The following BTBD8 variants were observed in gnomAD, a reference collection of about 807,000 sequenced individuals.
The protein encoded by BTBD8 is BTB/POZ domain-containing protein 8.
In BTBD8, 110 loss-of-function variants were observed where a neutral mutation model predicts 162.9. The observed-to-expected ratio is 0.68, with a 90% CI of 0.58 to 0.79. The LOEUF (loss-of-function observed/expected upper bound fraction) is 0.79, where lower values mean the gene tolerates loss of function less well. Among genes scored for constraint, BTBD8 ranks in the 30% least tolerant of loss-of-function variants. The pLI is 0.00. For synonymous variants in BTBD8, 667 were observed against 716.1 expected, an observed-to-expected ratio of 0.93 and a Z score of 1.10; for missense variants, 1,905 against 2,085.4, an observed-to-expected ratio of 0.91 and a Z score of 1.68.
Position 92,184,122 on chromosome 1 carries a change from T to G in BTBD8, c.5171T>G (p.Leu1724Ter). The change falls in exon 18 of 18, where the codon TTA (leucine) becomes TGA (stop). Residue 1724 changes from leucine (L) to a stop codon, truncating the protein, a stop_gained. Transcript: ENST00000636805. LOFTEE classifies it high-confidence loss of function. ...VTNSVPEDLS[L>*]AQYLINQTLL... ...AATTCCGTTCCTGAAGACTTAAGTT[T>G]AGCACAGTATCTAATCAATCAGACA... 6.4e-7 allele frequency: 1 copy of G among 1,551,654 alleles called. No individual in the cohort carries two copies. The highest frequency in any genetic ancestry group is 8.7e-7 in the Non-Finnish European group (1 of 1,146,890).
intron 8 of BTBD8, 80 bp downstream of exon 8, chr1:92,147,348 A>T (rs1408166701): frequency 1.6e-6 from 2 of 1,247,786 alleles, no homozygotes; most frequent in African/African-American, 3.0e-5. Context: ...GGGGAACTTT[A>T]GAGTTGGCCT....
Position 92,100,600 on chromosome 1 carries a change from CATT to C in BTBD8, c.348-1851_348-1849del, listed in dbSNP as rs771639431. 1.8e-3 allele frequency among the ~76,000 whole-genome samples: 271 copies of C among 151,002 alleles called. 3 individuals are homozygous for C. The highest frequency in any genetic ancestry group is 5.9e-3 in the African/African-American group (242 of 41,208). ...TCATCTAGATTATCTACTTTTTTGG[CATT>C]ATTATTATTATTATTATTATTTTTG... On this transcript the variant is annotated intron_variant, in intron 2 of 17. Transcript: ENST00000636805.
In BTBD8 at chr1:92,177,028, G is replaced by A. The variant is rs1455790527; in HGVS notation, c.1835G>A (p.Gly612Asp). Residue 612 changes from glycine (G) to aspartate (D), a missense_variant, in exon 14 of 18, where the codon GGT becomes GAT. Coordinates refer to ENST00000636805, the MANE Select transcript of BTBD8 (RefSeq NM_001376131.1). ...CAAGATGATGTAAAGGAAAAAGATG[G>A]TACAAAAATAGCATCTAAGATTACA... ...LKQDDVKEKD[G>D]TKIASKITKE... is the part of the protein sequence containing the mutation. 1.3e-6 allele frequency: 2 copies of A among 1,548,824 alleles called. No individual in the cohort carries two copies. The highest frequency in any genetic ancestry group is 1.7e-6 in the Non-Finnish European group (2 of 1,145,742).
intron 9 of BTBD8, among the ~76,000 whole-genome samples, chr1:92,152,450 AAG>A (rs1440883675): frequency 1.1e-4 from 17 of 152,188 alleles, no homozygotes; most frequent in African/African-American, 3.9e-4. Flanking sequence ...CTGGAATAAT[AAG>A]AGAATTAATT....
chr1:92,144,466 A>G (rs1489576565), intron 7 of BTBD8, among the ~76,000 whole-genome samples: 2 of 148,156 alleles, frequency 1.3e-5, no homozygotes, highest in Non-Finnish European at 3.0e-5. Context: ...GACTTCATTT[A>G]TAGGATTTTG....
intron 9 of BTBD8, among the ~76,000 whole-genome samples, chr1:92,153,870 T>C (rs1650098915): frequency 6.6e-6 from 1 of 152,236 alleles, no homozygotes; most frequent in Non-Finnish European, 1.5e-5. Flanking sequence ...GAATGAATGC[T>C]GATGTGCTTT....
At chr1:92,102,090 C>G (rs1328339954) in intron 2 of BTBD8, among the ~76,000 whole-genome samples, 2 of 152,160 alleles carry the variant, frequency 1.3e-5, no homozygotes, top group Admixed American at 6.5e-5. Flanking sequence ...GGCACAATCT[C>G]AGCTCACTGC....
intron 2 of BTBD8, among the ~76,000 whole-genome samples, chr1:92,101,894 C>T (rs769104745): frequency 1.6e-4 from 25 of 152,094 alleles, no homozygotes; most frequent in Admixed American, 3.9e-4. Context: ...GACGAGGTCT[C>T]ACTATGTTGC....
intron 9 of BTBD8, among the ~76,000 whole-genome samples, chr1:92,165,436 C>A (rs1368237978): frequency 6.6e-6 from 1 of 151,364 alleles, no homozygotes; most frequent in African/African-American, 2.4e-5. Context: ...AACAGATTTT[C>A]TTATAGTGTG....
intron 2 of BTBD8, among the ~76,000 whole-genome samples, chr1:92,098,146 A>G (rs1385673127): frequency 1.3e-5 from 2 of 152,190 alleles, no homozygotes; most frequent in Non-Finnish European, 2.9e-5. Flanking sequence ...AACAGTTTAG[A>G]CATAGTGAGC....
intron 5 of BTBD8, among the ~76,000 whole-genome samples, chr1:92,131,022 T>A (rs1649503041): frequency 6.6e-6 from 1 of 152,178 alleles, no homozygotes; most frequent in Admixed American, 6.6e-5. Flanking sequence ...AGTTTTTAAA[T>A]ACTAATATAA....
intron 4 of BTBD8, 94 bp downstream of exon 4, chr1:92,108,095 G>A (rs1648782971): frequency 4.2e-6 from 5 of 1,203,556 alleles, no homozygotes; most frequent in Non-Finnish European, 6.1e-6. Context: ...TCAAACTCTG[G>A]TTTTCACACA....
At chr1:92,091,513 C>A (rs896469715) in intron 2 of BTBD8, among the ~76,000 whole-genome samples, 2 of 151,374 alleles carry the variant, frequency 1.3e-5, no homozygotes, top group African/African-American at 4.9e-5. Context: ...CAGGGTTTTG[C>A]TGTGTTTCGT....
rs145269459 is a variant in BTBD8, at chr1:92,117,536, T to C, written c.662+9535T>C. ...GTATTCAGTTCTGGCCGGAAGGAACTTGAATATCTGTCAGCCATATAGCTT... is the reference window on the plus strand; with the variant it reads ...GTATTCAGTTCTGGCCGGAAGGAACCTGAATATCTGTCAGCCATATAGCTT... On this transcript the variant is annotated intron_variant, in intron 4 of 17. Transcript: ENST00000636805. 1.4e-3 allele frequency among the ~76,000 whole-genome samples: 215 copies of C among 152,108 alleles called. 1 individual carries two copies. Among genetic ancestry groups the C allele is most frequent in the Non-Finnish European group, 2.4e-3 (166 of 68,036 alleles).
At position 92,127,717 on chromosome 1, in the gene BTBD8, C is replaced by T. The variant is rs548714765; in HGVS notation, c.663-1970C>T. On this transcript the variant is annotated intron_variant, in intron 4 of 17. Transcript: ENST00000636805. ...GCAGGGACTACAGGCACAGCCACCA[C>T]GCCCAGCTAATTTTTGTATTTTTAG... Among the ~76,000 whole-genome samples the T allele has an allele frequency of 3.9e-5, 6 of 152,110 alleles. No homozygotes were observed. In the East Asian group the frequency reaches 9.7e-4, roughly 25 times the overall value.
At chr1:92,080,857 AG>A in intron 1 of BTBD8, 137 bp downstream of exon 1, 1 of 1,366,598 alleles carries the variant, frequency 7.3e-7, no homozygotes, top group South Asian at 1.4e-5. Flanking sequence ...GCGGGTCGTT[AG>A]CCAGTCTCCC....
chr1:92,173,967 T>C (rs546249006), intron 13 of BTBD8, among the ~76,000 whole-genome samples: 2 of 152,200 alleles, frequency 1.3e-5, no homozygotes, highest in African/African-American at 4.8e-5. Context: ...GTGGTGGTTG[T>C]TGTTGCCTGC....
rs1375346611 is a variant in BTBD8, at chr1:92,171,409, C to T, written c.1584C>T (p.Asp528=). 8.5e-6 allele frequency: 13 copies of T among 1,538,062 alleles called. No individual in the cohort carries two copies. Among genetic ancestry groups the T allele is most frequent in the Middle Eastern group, 1.7e-4 (1 of 5,862 alleles). The change falls in exon 13 of 18, where the codon GAC becomes GAT. Residue 528 remains aspartate, a synonymous_variant. Coordinates refer to ENST00000636805, the MANE Select transcript of BTBD8 (RefSeq NM_001376131.1). ...TGTTTCTTTCTACAGCTGCATTTGACAAAGGTGATGATCGAAGACTTGGCA... is the reference window on the plus strand; with the variant it reads ...TGTTTCTTTCTACAGCTGCATTTGATAAAGGTGATGATCGAAGACTTGGCA... The part of the protein sequence containing the change: ...DQQKIQAAAF[D]KGDDRRLGKK...
intron 4 of BTBD8, chr1:92,114,909 G>C: frequency 3.2e-6 from 1 of 311,012 alleles, no homozygotes; most frequent in Non-Finnish European, 6.3e-6. Context: ...TTAGGGCAAT[G>C]CCAGCCCCAG....
Sources: gnomAD v4.1 joint callset for allele counts (sites outside exome capture counted in the v4.1 genomes callset) on GRCh38, gnomAD v4.1.1 for gene constraint, MANE v1.5 for transcripts, NCBI Gene and HGNC (gene_info 2026-07-23, HGNC 2026-07-21) for gene names.